DOK6: variants seen among roughly 807,000 people sequenced by gnomAD.
DOK6 encodes the protein downstream of tyrosine kinase 6.
Under a neutral mutation model 44.0 loss-of-function variants are expected in DOK6, and 22 were observed. The observed-to-expected ratio is 0.50, with a 90% CI of 0.36 to 0.71. The LOEUF is 0.71. Among genes scored for constraint, DOK6 ranks in the 30% least tolerant of loss-of-function variants. The probability of loss-of-function intolerance (pLI) is 0.00; values close to 1 mark genes in which losing one functional copy is unlikely to be tolerated. For synonymous variants in DOK6, 166 were observed against 145.5 expected (o/e 1.14, Z -1.01); for missense variants, 340 against 416.4 (o/e 0.82, Z 1.60).
intron 6 of DOK6, among the ~76,000 whole-genome samples, chr18:69,746,340 C>T (rs1978984668): frequency 6.6e-6 from 1 of 152,136 alleles, no homozygotes; most frequent in Non-Finnish European, 1.5e-5. Flanking sequence ...GATCTTGGCT[C>T]TCTACCTCCT....
chr18:69,535,481 G>C (rs1331006152), intron 1 of DOK6, among the ~76,000 whole-genome samples: 1 of 151,138 alleles, frequency 6.6e-6, no homozygotes, highest in African/African-American at 2.4e-5. Context: ...TATGGTTTGG[G>C]GTGTTTTAAA....
intron 3 of DOK6, among the ~76,000 whole-genome samples, chr18:69,673,126 CAA>C (rs979833264): frequency 6.6e-6 from 1 of 151,994 alleles, no homozygotes; most frequent in African/African-American, 2.4e-5. Context: ...TATTTTCACA[CAA>C]AAAAGTCTTA....
intron 7 of DOK6, among the ~76,000 whole-genome samples, chr18:69,798,293 A>G (rs192462523): frequency 2.0e-5 from 3 of 152,256 alleles, no homozygotes; most frequent in Non-Finnish European, 2.9e-5. Context: ...GAAGAAGTCT[A>G]TGATAAAGAT....
At chr18:69,678,617 A>G (rs1288795621) in intron 4 of DOK6, among the ~76,000 whole-genome samples, 1 of 152,136 alleles carries the variant, frequency 6.6e-6, no homozygotes, top group Admixed American at 6.5e-5. Context: ...GACTTACTAC[A>G]CTGTTCTCTA....
At chr18:69,631,385 T>C (rs913753896) in intron 3 of DOK6, among the ~76,000 whole-genome samples, 3 of 136,750 alleles carry the variant, frequency 2.2e-5, no homozygotes, top group East Asian at 2.1e-4. Context: ...GAATTTGAAA[T>C]ACCATCAGAT....
chr18:69,418,040 C>G (rs113282698), intron 1 of DOK6, among the ~76,000 whole-genome samples: 8,142 of 152,058 alleles, frequency 0.054, 252 homozygotes, highest in Middle Eastern at 0.12. Flanking sequence ...TTCCTTTGCT[C>G]TGCAGAAGCT....
At chr18:69,455,169 A>G (rs866170221) in intron 1 of DOK6, among the ~76,000 whole-genome samples, 1 of 141,296 alleles carries the variant, frequency 7.1e-6, no homozygotes, top group African/African-American at 2.6e-5. Context: ...AAAAAAAAAA[A>G]AAAAAGAAAA....
chr18:69,691,709 ACTTTATAGTT>A (rs775063819), intron 4 of DOK6, among the ~76,000 whole-genome samples: 16 of 152,214 alleles, frequency 1.1e-4, no homozygotes, highest in Non-Finnish European at 1.6e-4. Context: ...ACAAGTGCAC[ACTTTATAGTT>A]AGCTGAGCTT....
At chr18:69,628,959 T>C (rs141894955) in intron 3 of DOK6, among the ~76,000 whole-genome samples, 1 of 152,356 alleles carries the variant, frequency 6.6e-6, no homozygotes, top group African/African-American at 2.4e-5. Context: ...GCTTAAGTGC[T>C]CAGCAAAAGA....
intron 1 of DOK6, among the ~76,000 whole-genome samples, chr18:69,457,032 A>G (rs536299900): frequency 6.6e-6 from 1 of 152,338 alleles, no homozygotes; most frequent in South Asian, 2.1e-4. Context: ...AGTTCCTTAC[A>G]GATTCTGGAT....
intron 1 of DOK6, among the ~76,000 whole-genome samples, chr18:69,517,238 T>G (rs1568282967): frequency 6.6e-6 from 1 of 152,216 alleles, no homozygotes; most frequent in Non-Finnish European, 1.5e-5. Flanking sequence ...AGTAGATGGA[T>G]GCATTTATAT....
chr18:69,428,243 A>G (rs1978699359), intron 1 of DOK6, among the ~76,000 whole-genome samples: 1 of 152,062 alleles, frequency 6.6e-6, no homozygotes, highest in Non-Finnish European at 1.5e-5. Context: ...GATTATTTCT[A>G]TAGTAATCTG....
chr18:69,509,244 T>G (rs1266663021), intron 1 of DOK6, among the ~76,000 whole-genome samples: 2 of 152,240 alleles, frequency 1.3e-5, no homozygotes, highest in African/African-American at 4.8e-5. Flanking sequence ...ATTCTTTTTA[T>G]TCTTTCTGTG....
intron 5 of DOK6, among the ~76,000 whole-genome samples, chr18:69,733,699 C>G (rs1251282895): frequency 6.6e-6 from 1 of 150,988 alleles, no homozygotes; most frequent in Non-Finnish European, 1.5e-5. Flanking sequence ...CTACATATTA[C>G]TTTCACCTGA....
rs143841546 is a variant in DOK6, at chr18:69,723,099, G to A, written c.600-15866G>A. 9.2e-3 allele frequency among the ~76,000 whole-genome samples: 1,395 copies of A among 152,040 alleles called. 12 individuals carry two copies. The highest frequency in any genetic ancestry group is 0.021 in the Admixed American group (327 of 15,272). Reference sequence around the variant, plus strand: ...ATATTGCATTTATATTAAATATGCCGAAAGCTGACAATAGGTATAGGAATG... The same window carrying A: ...ATATTGCATTTATATTAAATATGCCAAAAGCTGACAATAGGTATAGGAATG... On this transcript the variant is annotated intron_variant, in intron 5 of 7. Coordinates refer to ENST00000382713, the MANE Select transcript of DOK6 (RefSeq NM_152721.6).
chr18:69,725,800 A>C (rs896337906), intron 5 of DOK6, among the ~76,000 whole-genome samples: 10 of 152,192 alleles, frequency 6.6e-5, no homozygotes, highest in African/African-American at 2.4e-4. Flanking sequence ...AAGTGTATTT[A>C]AAATACTCAG....
chr18:69,720,694 A>G (rs1986987011), intron 5 of DOK6, among the ~76,000 whole-genome samples: 1 of 152,184 alleles, frequency 6.6e-6, no homozygotes, highest in African/African-American at 2.4e-5. Context: ...TGCTTAGCAT[A>G]GTGATTGTAT....
At chr18:69,573,604 T>C (rs1568300423) in intron 2 of DOK6, among the ~76,000 whole-genome samples, 1 of 151,890 alleles carries the variant, frequency 6.6e-6, no homozygotes, top group Non-Finnish European at 1.5e-5. Context: ...AAAAATAACA[T>C]AGGCATGATT....
chr18:69,803,970 T>C (rs1980980536), intron 7 of DOK6, among the ~76,000 whole-genome samples: 1 of 152,170 alleles, frequency 6.6e-6, no homozygotes, highest in African/African-American at 2.4e-5. Context: ...CTCTACCTTA[T>C]TTCTCTATTT....
Sources: allele counts gnomAD v4.1 joint callset (sites outside exome capture counted in the v4.1 genomes callset), GRCh38; gene constraint gnomAD v4.1.1; transcripts MANE v1.5; gene names NCBI Gene and HGNC (gene_info 2026-07-23, HGNC 2026-07-21).